The following ANTXR1 variants were observed in gnomAD, a reference collection of about 807,000 sequenced individuals.
The protein encoded by ANTXR1 is anthrax toxin receptor 1.
In ANTXR1, 19 loss-of-function variants were observed where a neutral mutation model predicts 78.1. The ratio of observed to expected loss-of-function variants is 0.24; its 90% CI spans 0.17 to 0.36. ANTXR1 has a LOEUF of 0.36. Among genes scored for constraint, ANTXR1 ranks in the 10% least tolerant of loss-of-function variants. ANTXR1 has a pLI of 1.00. For missense variants in ANTXR1, 518 were observed against 718.6 expected, an observed-to-expected ratio of 0.72 and a Z score of 3.19; for synonymous variants, 273 against 260.5, an observed-to-expected ratio of 1.05 and a Z score of -0.46.
intron 12 of ANTXR1, among the ~76,000 whole-genome samples, chr2:69,127,156 G>A (rs928212518): frequency 3.3e-5 from 5 of 152,194 alleles, no homozygotes; most frequent in Admixed American, 1.3e-4. Context: ...TATGGCAAAA[G>A]GTAATAGATG....
At chr2:69,106,926 A>G (rs904954969) in intron 10 of ANTXR1, among the ~76,000 whole-genome samples, 1 of 152,238 alleles carries the variant, frequency 6.6e-6, no homozygotes, top group Non-Finnish European at 1.5e-5. Context: ...AAAATGTGTG[A>G]AGACATGAAA....
At chr2:69,040,724 G>T (rs996353029) in intron 2 of ANTXR1, among the ~76,000 whole-genome samples, 7 of 152,204 alleles carry the variant, frequency 4.6e-5, no homozygotes, top group African/African-American at 1.4e-4. Context: ...GTAAGGAAAT[G>T]AGGTCACTTC....
At chr2:69,042,743 A>C (rs1359666254) in intron 2 of ANTXR1, among the ~76,000 whole-genome samples, 2 of 151,522 alleles carry the variant, frequency 1.3e-5, no homozygotes, top group Non-Finnish European at 2.9e-5. Context: ...CCTCCTCCCC[A>C]CCCTTCACCT....
chr2:69,048,653 G>C (rs958231285), intron 3 of ANTXR1, among the ~76,000 whole-genome samples: 8 of 152,044 alleles, frequency 5.3e-5, no homozygotes, highest in Non-Finnish European at 1.0e-4. Context: ...TCTTTGCTAG[G>C]CTTGGGTTCA....
chr2:69,168,272 C>T (rs1673884860), intron 13 of ANTXR1, among the ~76,000 whole-genome samples: 1 of 152,200 alleles, frequency 6.6e-6, no homozygotes, highest in East Asian at 1.9e-4. Context: ...ATCTATTGAG[C>T]ACCTACTCAC....
At chr2:69,145,670 G>A (rs1673203973) in intron 12 of ANTXR1, 3 of 1,166,254 alleles carry the variant, frequency 2.6e-6, no homozygotes, top group Admixed American at 8.5e-5. Flanking sequence ...ACTTTGAGGT[G>A]GAGGATTTCA....
At chr2:69,137,980 A>T (rs1417590442) in intron 12 of ANTXR1, among the ~76,000 whole-genome samples, 1 of 151,410 alleles carries the variant, frequency 6.6e-6, no homozygotes, top group East Asian at 1.9e-4. Flanking sequence ...GCTACTCAAG[A>T]GGCTGAGGCA....
chr2:69,218,162 T>C (rs1489554148), intron 17 of ANTXR1, among the ~76,000 whole-genome samples: 2 of 152,178 alleles, frequency 1.3e-5, no homozygotes, highest in Admixed American at 1.3e-4. Flanking sequence ...TTCATTCTCC[T>C]GGCCCTCGTG....
At chr2:69,031,174 G>A (rs1008376388) in intron 1 of ANTXR1, among the ~76,000 whole-genome samples, 16 of 152,050 alleles carry the variant, frequency 1.1e-4, no homozygotes, top group African/African-American at 2.7e-4. Context: ...ATTTGCAACC[G>A]AATATAAAAT....
intron 1 of ANTXR1, among the ~76,000 whole-genome samples, chr2:69,018,561 T>G (rs888498514): frequency 2.6e-5 from 4 of 152,208 alleles, no homozygotes; most frequent in African/African-American, 9.6e-5. Flanking sequence ...GTGTGAGTCT[T>G]GCAGACTCAT....
At chr2:69,096,160 A>T (rs1474657022) in intron 9 of ANTXR1, among the ~76,000 whole-genome samples, 2 of 151,666 alleles carry the variant, frequency 1.3e-5, no homozygotes, top group Non-Finnish European at 1.5e-5. Context: ...CGGGAGGCTG[A>T]GGCAGGAGAA....
chr2:69,121,187 G>A (rs150437756), intron 10 of ANTXR1, among the ~76,000 whole-genome samples: 216 of 152,310 alleles, frequency 1.4e-3, no homozygotes, highest in African/African-American at 4.8e-3. Flanking sequence ...TTACTAGCAT[G>A]TTGGCTCCTT....
intron 9 of ANTXR1, among the ~76,000 whole-genome samples, chr2:69,097,443 T>G (rs977155967): frequency 6.6e-6 from 1 of 152,278 alleles, no homozygotes; most frequent in African/African-American, 2.4e-5. Context: ...GTTTACCATT[T>G]GGAAATTTCG....
chr2:69,155,492 C>T (rs964482988), intron 13 of ANTXR1, among the ~76,000 whole-genome samples: 5 of 152,154 alleles, frequency 3.3e-5, no homozygotes, highest in Admixed American at 6.5e-5. Context: ...CTTCAAGTCA[C>T]GCCATGCCCA....
intron 17 of ANTXR1, among the ~76,000 whole-genome samples, chr2:69,240,893 G>A (rs1394086250): frequency 1.3e-5 from 2 of 152,116 alleles, no homozygotes; most frequent in African/African-American, 2.4e-5. Flanking sequence ...GTACCTGGAC[G>A]TTTCAAATAG....
intron 17 of ANTXR1, among the ~76,000 whole-genome samples, chr2:69,221,289 C>G (rs1675312661): frequency 6.6e-6 from 1 of 152,068 alleles, no homozygotes; most frequent in African/African-American, 2.4e-5. Context: ...GTTTTATGCA[C>G]CTAAAATACA....
At chr2:69,152,690 C>T (rs926355446) in intron 13 of ANTXR1, among the ~76,000 whole-genome samples, 1 of 152,210 alleles carries the variant, frequency 6.6e-6, no homozygotes, top group Non-Finnish European at 1.5e-5. Flanking sequence ...AACTAGTCTA[C>T]CTATCTGAGA....
At chr2:69,135,096 A>G (rs942983533) in intron 12 of ANTXR1, 40 of 393,182 alleles carry the variant, frequency 1.0e-4, no homozygotes, top group African/African-American at 7.9e-4. Context: ...GAACTGAAAT[A>G]AAAGTAGTTT....
At chr2:69,224,142 C>G (rs1198976087) in intron 17 of ANTXR1, among the ~76,000 whole-genome samples, 3 of 152,198 alleles carry the variant, frequency 2.0e-5, no homozygotes, top group Non-Finnish European at 4.4e-5. Context: ...TTGGCATAAG[C>G]CAGCCAAAAA....
Sources: allele counts gnomAD v4.1 joint callset (sites outside exome capture counted in the v4.1 genomes callset), GRCh38; gene constraint gnomAD v4.1.1; transcripts MANE v1.5; gene names NCBI Gene and HGNC (gene_info 2026-07-23, HGNC 2026-07-21).